RBFOX1: variants seen among roughly 807,000 people sequenced by gnomAD.
RBFOX1 encodes RNA binding protein fox-1 homolog 1.
A neutral mutation model predicts 57.7 loss-of-function variants in RBFOX1; 8 were observed. The observed-to-expected ratio is 0.14, with a 90% confidence interval of 0.08 to 0.25. The LOEUF is 0.25. RBFOX1 is among the 10% of genes least tolerant of loss of function. The pLI is 1.00. For missense variants in RBFOX1, 611 were observed against 548.5 expected, an observed-to-expected ratio of 1.11 and a Z score of -1.14; for synonymous variants, 326 against 222.4, an observed-to-expected ratio of 1.47 and a Z score of -4.15.
intron 3 of RBFOX1, among the ~76,000 whole-genome samples, chr16:7,007,017 A>G (rs1257863607): frequency 6.6e-6 from 1 of 152,034 alleles, no homozygotes; most frequent in East Asian, 1.9e-4. Flanking sequence ...ATATGATCTC[A>G]CGGTTCTATA....
intron 4 of RBFOX1, among the ~76,000 whole-genome samples, chr16:7,118,389 C>T (rs1304629074): frequency 6.6e-6 from 1 of 151,972 alleles, no homozygotes; most frequent in Non-Finnish European, 1.5e-5. Flanking sequence ...CTATTCTCAT[C>T]TTCTGAGAAA....
At chr16:5,539,562 C>G (rs553200431) in intron 2 of RBFOX1, among the ~76,000 whole-genome samples, 1 of 152,184 alleles carries the variant, frequency 6.6e-6, no homozygotes, top group Admixed American at 6.5e-5. Flanking sequence ...GATCGTACCA[C>G]TGCACCCCAG....
At position 6,822,813 on chromosome 16, in the gene RBFOX1, C is replaced by T. The variant is rs142723157; in HGVS notation, c.-16+168163C>T. 2.6e-5 allele frequency among the ~76,000 whole-genome samples: 4 copies of T among 152,258 alleles called. No homozygotes were observed. In the South Asian group the frequency reaches 8.3e-4, roughly 32 times the overall value. ...GGTCTGACTCTCCAACCAGGTTAAG[C>T]CTTTTGAGAGCAATAGCTGAATCTT... On this transcript the variant is annotated intron_variant, in intron 3 of 15. Transcript: ENST00000550418.
chr16:5,799,378 C>T (rs2054986317), intron 3 of RBFOX1, among the ~76,000 whole-genome samples: 1 of 152,058 alleles, frequency 6.6e-6, no homozygotes, highest in Non-Finnish European at 1.5e-5. Context: ...TAAAAGCAAC[C>T]TCATTGGTCT....
chr16:7,059,830 T>C (rs1258055071), intron 4 of RBFOX1, among the ~76,000 whole-genome samples: 2 of 152,198 alleles, frequency 1.3e-5, no homozygotes, highest in Non-Finnish European at 2.9e-5. Context: ...GCACTTTTCA[T>C]TGTAATTACA....
At chr16:5,399,399 T>C (rs749165182) in intron 1 of RBFOX1, among the ~76,000 whole-genome samples, 89 of 152,186 alleles carry the variant, frequency 5.8e-4, no homozygotes, top group Non-Finnish European at 1.0e-3. Flanking sequence ...ATGCATTTAA[T>C]TTTTCTCGTA....
intron 4 of RBFOX1, among the ~76,000 whole-genome samples, chr16:7,288,403 C>G (rs1430226847): frequency 6.6e-6 from 1 of 152,152 alleles, no homozygotes; most frequent in African/African-American, 2.4e-5. Context: ...ATTTATCTTC[C>G]CTCATTCTCA....
chr16:6,803,501 T>C (rs1222876292), intron 3 of RBFOX1, among the ~76,000 whole-genome samples: 1 of 152,192 alleles, frequency 6.6e-6, no homozygotes, highest in Non-Finnish European at 1.5e-5. Flanking sequence ...CCCAGTGCAA[T>C]CTGTGTATAA....
intron 3 of RBFOX1, among the ~76,000 whole-genome samples, chr16:6,744,504 G>A (rs2215807): frequency 0.15 from 22,064 of 151,712 alleles, 1,680 homozygotes; most frequent in Middle Eastern, 0.18. Context: ...TTCTCCAATC[G>A]CAGTGGAATC....
chr16:6,927,979 T>C (rs898755476), intron 3 of RBFOX1, among the ~76,000 whole-genome samples: 4 of 152,200 alleles, frequency 2.6e-5, no homozygotes, highest in Admixed American at 6.5e-5. Flanking sequence ...AAGTTTCCCA[T>C]TGAGCTGCTG....
chr16:7,142,170 C>T (rs552991067), intron 4 of RBFOX1, among the ~76,000 whole-genome samples: 1 of 152,028 alleles, frequency 6.6e-6, no homozygotes, highest in Non-Finnish European at 1.5e-5. Context: ...ACTGCGAGCA[C>T]ACACCACCAC....
intron 1 of RBFOX1, among the ~76,000 whole-genome samples, chr16:6,217,533 C>T (rs1223032264): frequency 5.3e-5 from 8 of 152,114 alleles, no homozygotes; most frequent in Non-Finnish European, 1.2e-4. Context: ...CAGTTTGATT[C>T]CCCCTGCTCC....
intron 2 of RBFOX1, among the ~76,000 whole-genome samples, chr16:5,558,715 C>T (rs758889674): frequency 6.6e-6 from 1 of 152,104 alleles, no homozygotes; most frequent in Non-Finnish European, 1.5e-5. Context: ...AGACTGTCAG[C>T]CCCCTCAGAG....
chr16:7,521,442 C>G (rs1270717940), intron 5 of RBFOX1, among the ~76,000 whole-genome samples: 1 of 152,138 alleles, frequency 6.6e-6, no homozygotes, highest in Admixed American at 6.5e-5. Flanking sequence ...TTAGTGATGC[C>G]TAGCTTAAAG....
intron 3 of RBFOX1, among the ~76,000 whole-genome samples, chr16:5,771,165 C>T (rs2053964208): frequency 6.6e-6 from 1 of 152,222 alleles, no homozygotes; most frequent in South Asian, 2.1e-4. Flanking sequence ...GGGAAAATGG[C>T]TGCTCCCTAG....
At chr16:6,245,290 C>T (rs1297204357) in intron 1 of RBFOX1, among the ~76,000 whole-genome samples, 1 of 152,054 alleles carries the variant, frequency 6.6e-6, no homozygotes, top group East Asian at 1.9e-4. Flanking sequence ...GCTTTCATTG[C>T]TTTAATGAAA....
chr16:6,518,222 G>T (rs956390527), intron 2 of RBFOX1, among the ~76,000 whole-genome samples: 11 of 152,116 alleles, frequency 7.2e-5, no homozygotes, highest in Non-Finnish European at 1.5e-4. Flanking sequence ...TTACCTTGAG[G>T]GTTGTCTGGG....
chr16:7,294,574 G>A (rs1187890681), intron 4 of RBFOX1, among the ~76,000 whole-genome samples: 1 of 151,792 alleles, frequency 6.6e-6, no homozygotes, highest in Non-Finnish European at 1.5e-5. Context: ...GAAAAGCTTA[G>A]GGCAAGCTGT....
At chr16:6,681,861 C>G (rs549643821) in intron 3 of RBFOX1, among the ~76,000 whole-genome samples, 7 of 152,296 alleles carry the variant, frequency 4.6e-5, no homozygotes, top group Non-Finnish European at 7.3e-5. Context: ...TTTTGAGTGT[C>G]AATCCAGTAA....
Sources: allele counts gnomAD v4.1 joint callset (sites outside exome capture counted in the v4.1 genomes callset), GRCh38; gene constraint gnomAD v4.1.1; transcripts MANE v1.5; gene names NCBI Gene and HGNC (gene_info 2026-07-23, HGNC 2026-07-21).